The following MAGI2 variants were observed in gnomAD, a reference collection of about 807,000 sequenced individuals.
MAGI2 encodes the protein membrane associated guanylate kinase, WW and PDZ domain containing 2.
A neutral mutation model predicts 133.3 loss-of-function variants in MAGI2; 35 were observed. The observed-to-expected ratio is 0.26, with a 90% confidence interval of 0.20 to 0.35. The LOEUF (loss-of-function observed/expected upper bound fraction) is 0.35. MAGI2 is among the 10% of genes least tolerant of loss of function. The pLI, the probability that MAGI2 is intolerant of heterozygous loss-of-function variation, is 1.00. For synonymous variants in MAGI2, 729 were observed against 710.6 expected, an observed-to-expected ratio of 1.03 and a Z score of -0.41; for missense variants, 1,636 against 1,863.4, an observed-to-expected ratio of 0.88 and a Z score of 2.25.
intron 1 of MAGI2, among the ~76,000 whole-genome samples, chr7:79,076,121 C>T (rs1003495145): frequency 6.6e-6 from 1 of 152,162 alleles, no homozygotes; most frequent in African/African-American, 2.4e-5. Flanking sequence ...CTTTGGCTTC[C>T]ACTCCACCTG....
At chr7:78,426,152 T>C (rs1376905474) in intron 6 of MAGI2, among the ~76,000 whole-genome samples, 1 of 152,184 alleles carries the variant, frequency 6.6e-6, no homozygotes, top group East Asian at 1.9e-4. Context: ...AAGGAACAAA[T>C]GTAATTCAGA....
chr7:78,528,985 G>GT (rs899265871), intron 3 of MAGI2, among the ~76,000 whole-genome samples: 69 of 146,252 alleles, frequency 4.7e-4, no homozygotes, highest in Non-Finnish European at 6.8e-4. Context: ...GGGAATGTTT[G>GT]TTTTTTTTTT....
intron 9 of MAGI2, among the ~76,000 whole-genome samples, chr7:78,278,197 G>A (rs1463717931): frequency 1.3e-5 from 2 of 152,066 alleles, no homozygotes; most frequent in Admixed American, 6.6e-5. Flanking sequence ...ACAACCAAAC[G>A]TGCATTCTAA....
intron 1 of MAGI2, among the ~76,000 whole-genome samples, chr7:79,045,497 T>G (rs1812089163): frequency 1.3e-5 from 2 of 152,316 alleles, no homozygotes; most frequent in East Asian, 1.9e-4. Context: ...GCTGTTAAGA[T>G]CTATCCAAGT....
chr7:78,524,378 A>C (rs1248020532), intron 3 of MAGI2, among the ~76,000 whole-genome samples: 7 of 152,182 alleles, frequency 4.6e-5, no homozygotes, highest in Admixed American at 4.6e-4. Flanking sequence ...TTTATTAAAA[A>C]AAACTGTAAA....
intron 2 of MAGI2, among the ~76,000 whole-genome samples, chr7:78,943,997 A>G (rs759083868): frequency 2.0e-5 from 3 of 152,186 alleles, no homozygotes; most frequent in Admixed American, 6.5e-5. Context: ...AGAAAGTTTC[A>G]CATCATTTTT....
chr7:79,209,484 A>G (rs1294810086), intron 1 of MAGI2, among the ~76,000 whole-genome samples: 1 of 151,964 alleles, frequency 6.6e-6, no homozygotes, highest in Non-Finnish European at 1.5e-5. Flanking sequence ...AATGTCACTT[A>G]TTTTCTCCTG....
chr7:78,786,036 G>T (rs1338220771), intron 2 of MAGI2, among the ~76,000 whole-genome samples: 1 of 151,986 alleles, frequency 6.6e-6, no homozygotes, highest in East Asian at 1.9e-4. Context: ...TTTATGGATT[G>T]CATGTGTATT....
chr7:78,633,386 C>A (rs957798437), intron 2 of MAGI2, among the ~76,000 whole-genome samples: 3 of 152,110 alleles, frequency 2.0e-5, no homozygotes, highest in Admixed American at 1.3e-4. Flanking sequence ...TCACATGTAT[C>A]CCCAGAACCT....
chr7:78,071,011 C>T (rs1395573839), intron 21 of MAGI2, among the ~76,000 whole-genome samples: 1 of 151,974 alleles, frequency 6.6e-6, no homozygotes, highest in Non-Finnish European at 1.5e-5. Context: ...AAATACCTAA[C>T]AAGTTAGGAC....
chr7:79,077,237 A>G, intron 1 of MAGI2, among the ~76,000 whole-genome samples: 1 of 152,082 alleles, frequency 6.6e-6, no homozygotes, highest in East Asian at 1.9e-4. Flanking sequence ...ACAAATCCCA[A>G]GCTAGCTTTC....
At chr7:78,140,141 C>T (rs1222408858) in intron 16 of MAGI2, among the ~76,000 whole-genome samples, 1 of 152,150 alleles carries the variant, frequency 6.6e-6, no homozygotes, top group Non-Finnish European at 1.5e-5. Flanking sequence ...TGGGCCGATC[C>T]AGCCAATGAA....
intron 1 of MAGI2, among the ~76,000 whole-genome samples, chr7:79,421,155 A>T (rs937146315): frequency 1.3e-5 from 2 of 152,026 alleles, no homozygotes; most frequent in Non-Finnish European, 2.9e-5. Flanking sequence ...CAATGCTATT[A>T]CAATAAATCT....
At chr7:78,853,329 G>T (rs952371515) in intron 2 of MAGI2, among the ~76,000 whole-genome samples, 2 of 47,206 alleles carry the variant, frequency 4.2e-5, no homozygotes, top group African/African-American at 1.8e-4. Context: ...TTGTCCATTC[G>T]TTCTTTTTTT....
chr7:79,368,847 C>CAAAAAA lies in MAGI2; in HGVS notation c.301+84167_301+84172dup, dbSNP rs71095400. ...TGGGCGACAGAGCGAGACTCCGTCT[C>CAAAAAA]AAAAAAAAAAAAAAAAAAAAAAAAA... On this transcript the variant is annotated intron_variant, in intron 1 of 21. Transcript: ENST00000354212. Among the ~76,000 whole-genome samples, 195 of 75,350 alleles carry CAAAAAA rather than the reference C, an allele frequency of 2.6e-3. 1 individual carries two copies. Among genetic ancestry groups the CAAAAAA allele is most frequent in the Non-Finnish European group, 4.6e-3 (158 of 34,228 alleles). The allele number at this position is 75,350 out of a possible 152,430, so 49.4% of individuals were successfully genotyped here. A position where few individuals can be genotyped will look rare whatever the true frequency, so the allele number is the denominator to read the frequency against.
At chr7:78,070,200 T>C (rs1178412321) in intron 21 of MAGI2, among the ~76,000 whole-genome samples, 2,941 of 35,508 alleles carry the variant, frequency 0.083, 202 homozygotes, top group African/African-American at 0.18. Flanking sequence ...TATATATATA[T>C]ATATATATAT....
rs1807534038 is a variant in MAGI2, at chr7:79,007,105, G to A, written c.403C>T (p.Leu135Phe). 1 of 1,611,630 alleles carries A rather than the reference G, an allele frequency of 6.2e-7. No individual in the cohort carries two copies. Among genetic ancestry groups the A allele is most frequent in the Non-Finnish European group, 8.5e-7 (1 of 1,178,654 alleles). ...TTGTACTCACATGGCACCGTGCGGA[G>A]GTAGAGGTTGTCACGAATGATTTGC... ...LQQIIRDNLYLRTVPCTTRPH... is the reference protein window; with the variant it reads ...LQQIIRDNLYFRTVPCTTRPH... The change falls in exon 2 of 22, where the codon CTC (leucine) becomes TTC (phenylalanine). Residue 135 changes from leucine to phenylalanine, a missense_variant. Around this residue, in one of 5 missense-constraint regions of MAGI2, gnomAD observed 148 missense variants for 239.0 expected, o/e 0.62. Transcript: ENST00000354212.
chr7:78,627,616 A>G (rs1016715557), intron 2 of MAGI2, among the ~76,000 whole-genome samples: 2 of 152,170 alleles, frequency 1.3e-5, no homozygotes, highest in African/African-American at 4.8e-5. Flanking sequence ...TGTCCTGCAG[A>G]CTGCTGTGCT....
At chr7:79,298,098 T>C (rs1200229929) in intron 1 of MAGI2, among the ~76,000 whole-genome samples, 1 of 152,216 alleles carries the variant, frequency 6.6e-6, no homozygotes, top group Non-Finnish European at 1.5e-5. Flanking sequence ...TTGTTTTTTA[T>C]ATCTAGCACA....
Sources: gnomAD v4.1 joint callset for allele counts (sites outside exome capture counted in the v4.1 genomes callset) on GRCh38, gnomAD v4.1.1 for gene constraint, gnomAD v4.1.1 regional missense constraint, MANE v1.5 for transcripts, NCBI Gene and HGNC (gene_info 2026-07-23, HGNC 2026-07-21) for gene names.